Variants in TENM4 observed in about 807,000 individuals in gnomAD.
TENM4 encodes the protein teneurin-4.
A neutral mutation model predicts 243.3 loss-of-function variants in TENM4; 82 were observed. The observed-to-expected ratio is 0.34, with a 90% CI of 0.28 to 0.40. The LOEUF (loss-of-function observed/expected upper bound fraction) is 0.40. TENM4 is among the 10% of genes least tolerant of loss of function. The pLI is 1.00. For missense variants in TENM4, 3,138 were observed against 3,673.3 expected, an observed-to-expected ratio of 0.85 and a Z score of 3.77; for synonymous variants, 1,412 against 1,456.3, an observed-to-expected ratio of 0.97 and a Z score of 0.69.
chr11:79,058,161 A>G (rs534914238), intron 6 of TENM4, among the ~76,000 whole-genome samples: 16 of 152,346 alleles, frequency 1.1e-4, no homozygotes, highest in Non-Finnish European at 2.1e-4. Flanking sequence ...GGATATAGCT[A>G]GAAGCATCTC....
chr11:79,110,595 T>C (rs1238802419), intron 4 of TENM4, among the ~76,000 whole-genome samples: 1 of 152,120 alleles, frequency 6.6e-6, no homozygotes, highest in African/African-American at 2.4e-5. Flanking sequence ...GGGAAAGAAG[T>C]CTCTGGAGTT....
chr11:78,702,250 G>A lies in TENM4; in HGVS notation c.4363C>T (p.His1455Tyr), dbSNP rs754081135. 1.2e-6 allele frequency: 2 copies of A among 1,614,038 alleles called. No homozygotes were observed. Among genetic ancestry groups the A allele is most frequent in the South Asian group, 2.2e-5 (2 of 91,074 alleles). ...ATGGCCACCTTGCTTAGCAGGAAGTGGTCAATGCCAGGGACCTGGCAGTGC... is the reference window on the plus strand; with the variant it reads ...ATGGCCACCTTGCTTAGCAGGAAGTAGTCAATGCCAGGGACCTGGCAGTGC... ...PMHCQVPGID[H>Y]FLLSKVAIHA... is the part of the protein sequence containing the mutation. Residue 1455 changes from histidine to tyrosine, a missense_variant, in exon 28 of 34, where the codon CAC (histidine) becomes TAC (tyrosine). Transcript: ENST00000278550.
At chr11:79,413,753 G>A (rs1370326477) in intron 1 of TENM4, among the ~76,000 whole-genome samples, 1 of 152,166 alleles carries the variant, frequency 6.6e-6, no homozygotes, top group Non-Finnish European at 1.5e-5. Context: ...GATGATAACT[G>A]TAAATTATTA....
chr11:79,065,097 C>T (rs1382497885), intron 5 of TENM4, 90 bp from the exon 6 acceptor site: 3 of 1,412,648 alleles, frequency 2.1e-6, no homozygotes, highest in South Asian at 1.7e-5. Context: ...TACCCCAGGG[C>T]TCACTGTCGT....
chr11:79,382,499 T>TCC (rs1173031650), intron 1 of TENM4, among the ~76,000 whole-genome samples: 1 of 152,170 alleles, frequency 6.6e-6, no homozygotes, highest in South Asian at 2.1e-4. Context: ...GCATCTGCAA[T>TCC]CCCCCATGCC....
intron 6 of TENM4, among the ~76,000 whole-genome samples, chr11:78,995,607 C>T (rs72947315): frequency 0.069 from 10,453 of 151,920 alleles, 436 homozygotes; most frequent in Admixed American, 0.14. Flanking sequence ...GCAAATGCAG[C>T]AGGAGGAGAT....
chr11:78,998,578 GGTAAGAACAGTGGGACTCAGTGGTGTTA>G (rs1858234659), intron 6 of TENM4, among the ~76,000 whole-genome samples: 1 of 131,530 alleles, frequency 7.6e-6, no homozygotes, highest in African/African-American at 2.7e-5. Context: ...CTATATTTTA[GGTAAGAACAGTGGGACTCAGTGGTGTTA>G]TCATCCTGGG....
At chr11:79,335,134 C>T (rs2135451212) in intron 1 of TENM4, among the ~76,000 whole-genome samples, 1 of 152,306 alleles carries the variant, frequency 6.6e-6, no homozygotes, top group East Asian at 1.9e-4. Context: ...AGTGGGAGCT[C>T]CCGGAGGACA....
intron 1 of TENM4, among the ~76,000 whole-genome samples, chr11:79,415,394 G>A (rs961510669): frequency 4.6e-5 from 7 of 152,072 alleles, no homozygotes; most frequent in Admixed American, 3.3e-4. Flanking sequence ...TAAGTATTCC[G>A]CATACCTGAA....
chr11:79,399,930 A>G (rs1858421846), intron 1 of TENM4, among the ~76,000 whole-genome samples: 1 of 152,114 alleles, frequency 6.6e-6, no homozygotes, highest in Non-Finnish European at 1.5e-5. Context: ...CACTCAATAA[A>G]TGGTAATTAT....
chr11:78,904,395 G>A (rs1449524360), intron 6 of TENM4, among the ~76,000 whole-genome samples: 2 of 140,746 alleles, frequency 1.4e-5, no homozygotes, highest in African/African-American at 5.9e-5. Flanking sequence ...AGAGTTTACT[G>A]AGATGGTGAT....
In TENM4 at chr11:79,212,368, C is replaced by A. The variant is rs189995049; in HGVS notation, c.-163+3440G>T. ...CCATCCTCAAGACACTGATTTGCAACCCCTTTCCAGGAACCCCTGTTTCTG... is the reference window on the plus strand; with the variant it reads ...CCATCCTCAAGACACTGATTTGCAAACCCTTTCCAGGAACCCCTGTTTCTG... On this transcript the variant is annotated intron_variant, in intron 3 of 33. Coordinates refer to ENST00000278550, the MANE Select transcript of TENM4 (RefSeq NM_001098816.3). Among the ~76,000 whole-genome samples, 191 of 152,336 alleles carry A rather than the reference C, an allele frequency of 1.3e-3. 2 individuals carry two copies. Among genetic ancestry groups the A allele is most frequent in the Non-Finnish European group, 2.2e-3 (150 of 68,030 alleles).
At chr11:78,815,086 C>T (rs943319591) in intron 12 of TENM4, among the ~76,000 whole-genome samples, 1 of 152,224 alleles carries the variant, frequency 6.6e-6, no homozygotes, top group Non-Finnish European at 1.5e-5. Context: ...TTTCCAGAGA[C>T]AAAGACGTTC....
At chr11:78,861,096 A>G (rs1858807709) in intron 10 of TENM4, among the ~76,000 whole-genome samples, 1 of 152,206 alleles carries the variant, frequency 6.6e-6, no homozygotes, top group South Asian at 2.1e-4. Context: ...TTAAATCTAC[A>G]TTTGTACATG....
chr11:79,177,767 G>A (rs1863195184), intron 3 of TENM4, among the ~76,000 whole-genome samples: 1 of 152,168 alleles, frequency 6.6e-6, no homozygotes, highest in Middle Eastern at 3.2e-3. Flanking sequence ...CGTAGGAGGG[G>A]CAGCAAGGAG....
chr11:79,259,542 T>C (rs1183478704), intron 2 of TENM4, among the ~76,000 whole-genome samples: 2 of 145,892 alleles, frequency 1.4e-5, no homozygotes, highest in Non-Finnish European at 3.0e-5. Context: ...CCCACCTACC[T>C]ACCCATATAC....
chr11:78,952,222 A>G (rs1042881662), intron 6 of TENM4, among the ~76,000 whole-genome samples: 1 of 152,186 alleles, frequency 6.6e-6, no homozygotes, highest in Non-Finnish European at 1.5e-5. Flanking sequence ...AATCAGAAAG[A>G]CCTTCCCTAT....
rs73496680 is a variant in TENM4 at position 79,430,480 on chromosome 11, T to C, written c.-321+10029A>G. Among the ~76,000 whole-genome samples, 331 of 152,280 alleles carry C rather than the reference T, an allele frequency of 2.2e-3. 3 individuals are homozygous for C. The highest frequency in any genetic ancestry group is 7.6e-3 in the African/African-American group (314 of 41,548). ...TGTTGAGTAACCACCTGATGCCTAC[T>C]CTCCCTCTTCTGGAGAGTGATGATC... is the stretch of plus-strand genomic sequence containing the variant. On this transcript the variant is annotated intron_variant, in intron 1 of 33. Transcript: ENST00000278550.
chr11:78,866,458 T>TAAA (rs5792824), intron 9 of TENM4, among the ~76,000 whole-genome samples: 2 of 130,634 alleles, frequency 1.5e-5, no homozygotes, highest in African/African-American at 2.8e-5. Flanking sequence ...AGTCCTTGCT[T>TAAA]AAAAAAAAAA....
Sources: allele counts gnomAD v4.1 joint callset (sites outside exome capture counted in the v4.1 genomes callset), GRCh38; gene constraint gnomAD v4.1.1; transcripts MANE v1.5; gene names NCBI Gene and HGNC (gene_info 2026-07-23, HGNC 2026-07-21).